NRXN1: variants seen among roughly 807,000 people sequenced by gnomAD.
NRXN1 encodes neurexin 1.
In NRXN1, 39 loss-of-function variants were observed where a neutral mutation model predicts 150.9. The ratio of observed to expected loss-of-function variants is 0.26; its 90% confidence interval spans 0.20 to 0.34. NRXN1 has a LOEUF of 0.34. Among genes scored for constraint, NRXN1 ranks in the 10% least tolerant of loss-of-function variants. NRXN1 has a pLI of 1.00. For synonymous variants in NRXN1, 924 were observed against 757.0 expected (o/e 1.22, Z -3.62); for missense variants, 1,815 against 1,949.9 (o/e 0.93, Z 1.30).
chr2:50,405,825 A>G (rs2103993917), intron 17 of NRXN1, among the ~76,000 whole-genome samples: 1 of 152,298 alleles, frequency 6.6e-6, no homozygotes, highest in South Asian at 2.1e-4. Context: ...TAATAATTAC[A>G]GGAAAAATAA....
chr2:50,831,554 C>T (rs1405894827), intron 5 of NRXN1, among the ~76,000 whole-genome samples: 15 of 152,176 alleles, frequency 9.9e-5, no homozygotes. Flanking sequence ...ACAGATTACA[C>T]AAATGTGTTC....
At chr2:50,123,657 C>T (rs779527009) in intron 18 of NRXN1, among the ~76,000 whole-genome samples, 1 of 152,144 alleles carries the variant, frequency 6.6e-6, no homozygotes, top group Non-Finnish European at 1.5e-5. Flanking sequence ...TATTGAAATA[C>T]TATGAAGTGA....
At chr2:50,216,661 C>T (rs965657466) in intron 18 of NRXN1, among the ~76,000 whole-genome samples, 1 of 151,808 alleles carries the variant, frequency 6.6e-6, no homozygotes, top group Non-Finnish European at 1.5e-5. Context: ...AATCAGAGTG[C>T]TTTATTGAGC....
chr2:50,092,333 T>C (rs764822555), intron 18 of NRXN1, among the ~76,000 whole-genome samples: 6 of 152,228 alleles, frequency 3.9e-5, no homozygotes, highest in Admixed American at 2.0e-4. Context: ...CCTCTGCCTC[T>C]GAGAAGCATT....
intron 17 of NRXN1, among the ~76,000 whole-genome samples, chr2:50,298,842 A>T (rs943460446): frequency 6.6e-6 from 1 of 152,146 alleles, no homozygotes; most frequent in Non-Finnish European, 1.5e-5. Context: ...GATTTTTATG[A>T]TTAATAGGTG....
intron 5 of NRXN1, among the ~76,000 whole-genome samples, chr2:50,737,368 C>T (rs577072086): frequency 5.3e-5 from 8 of 152,232 alleles, no homozygotes; most frequent in African/African-American, 1.9e-4. Flanking sequence ...ATATAGAACT[C>T]TTATGGTACT....
chr2:50,427,857 T>G (rs945700786), intron 17 of NRXN1, among the ~76,000 whole-genome samples: 1 of 152,216 alleles, frequency 6.6e-6, no homozygotes, highest in African/African-American at 2.4e-5. Flanking sequence ...TTCTGCCATG[T>G]CCTGAGAAAA....
chr2:49,922,385 G>A, intron 22 of NRXN1, 134 bp from the exon 23 acceptor site: 3 of 927,122 alleles, frequency 3.2e-6, no homozygotes, highest in Non-Finnish European at 5.0e-6. Flanking sequence ...GATAAATGTA[G>A]CCATCCCTTT....
At position 51,028,084 on chromosome 2, in the gene NRXN1, G is replaced by C. The variant is rs201566733; in HGVS notation, c.190C>G (p.Arg64Gly). Residue 64 changes from arginine (R) to glycine (G), a missense_variant, in exon 2 of 23, where the codon CGC (arginine) becomes GGC (glycine). Physicochemically the swap from Arg to Gly is moderately radical, Grantham distance 125. This residue lies in a region of NRXN1 where 554 missense variants were observed against 478.8 expected (regional missense o/e 1.16). Coordinates refer to ENST00000401669, the MANE Select transcript of NRXN1 (RefSeq NM_001330078.2). ...MSFQLKTRSARGLVLYFDDEG... is the reference protein window; with the variant it reads ...MSFQLKTRSAGGLVLYFDDEG... ...TCGTCGAAGTAGAGCACGAGGCCGCGGGCGCTGCGAGTCTTGAGCTGGAAG... is the reference window on the plus strand; with the variant it reads ...TCGTCGAAGTAGAGCACGAGGCCGCCGGCGCTGCGAGTCTTGAGCTGGAAG... The C allele has an allele frequency of 1.3e-6, 2 of 1,587,122 alleles. No homozygotes were observed. Among genetic ancestry groups the C allele is most frequent in the Middle Eastern group, 1.7e-4 (1 of 6,036 alleles).
intron 17 of NRXN1, among the ~76,000 whole-genome samples, chr2:50,261,041 T>A (rs567296678): frequency 6.6e-6 from 1 of 151,736 alleles, no homozygotes; most frequent in African/African-American, 2.4e-5. Context: ...TGGGTTTTAC[T>A]AAGTCTTTCC....
rs1034355619 is a variant in NRXN1 at position 50,634,560 on chromosome 2, A to G, written c.833-10945T>C. 1.3e-5 allele frequency among the ~76,000 whole-genome samples: 2 copies of G among 152,212 alleles called. 1 individual carries two copies. Among genetic ancestry groups the G allele is most frequent in the African/African-American group, 4.8e-5 (2 of 41,458 alleles). ...GTATATATGTTATATTTCTTCATCTACTGCTTTTAACCATTAAGTTACTTC... is the reference window on the plus strand; with the variant it reads ...GTATATATGTTATATTTCTTCATCTGCTGCTTTTAACCATTAAGTTACTTC... On this transcript the variant is annotated intron_variant, in intron 5 of 22. Transcript: ENST00000401669.
intron 5 of NRXN1, among the ~76,000 whole-genome samples, chr2:50,729,123 CA>C (rs1195753077): frequency 1.3e-5 from 2 of 152,106 alleles, no homozygotes; most frequent in African/African-American, 4.8e-5. Flanking sequence ...GTTTTCCCCT[CA>C]ATTTTAAGTT....
intron 21 of NRXN1, among the ~76,000 whole-genome samples, chr2:49,966,937 T>C (rs999883966): frequency 6.6e-6 from 1 of 152,172 alleles, no homozygotes; most frequent in African/African-American, 2.4e-5. Context: ...AAAGAACTGC[T>C]TTCCTGTTAA....
At chr2:50,703,210 CA>C (rs542048080) in intron 5 of NRXN1, among the ~76,000 whole-genome samples, 236 of 152,012 alleles carry the variant, frequency 1.6e-3, no homozygotes, top group African/African-American at 5.4e-3. Flanking sequence ...GAGGGCAAAC[CA>C]CCAGAAAAAG....
chr2:50,998,592 T>G (rs1699626485), intron 2 of NRXN1, among the ~76,000 whole-genome samples: 1 of 152,098 alleles, frequency 6.6e-6, no homozygotes, highest in Non-Finnish European at 1.5e-5. Flanking sequence ...AAGCATATGA[T>G]TTCATGAAGG....
chr2:50,956,559 C>T (rs1251268223), intron 2 of NRXN1, among the ~76,000 whole-genome samples: 1 of 151,742 alleles, frequency 6.6e-6, no homozygotes, highest in Admixed American at 6.6e-5. Context: ...ACCAGCCTGG[C>T]CAATGTGGCA....
intron 5 of NRXN1, among the ~76,000 whole-genome samples, chr2:50,818,637 G>A (rs1026479442): frequency 1.3e-5 from 2 of 151,654 alleles, no homozygotes; most frequent in Admixed American, 6.6e-5. Flanking sequence ...TCCTGAATAC[G>A]ACACCAAAAG....
chr2:50,760,958 C>T (rs1214930298), intron 5 of NRXN1, among the ~76,000 whole-genome samples: 4 of 152,042 alleles, frequency 2.6e-5, no homozygotes, highest in African/African-American at 9.6e-5. Context: ...TTCTCACCTA[C>T]AGTCTTGTTC....
intron 18 of NRXN1, among the ~76,000 whole-genome samples, chr2:50,130,369 C>T (rs12622858): frequency 0.26 from 39,372 of 151,924 alleles, 5,562 homozygotes; most frequent in Admixed American, 0.4. Flanking sequence ...CTTAGGCATC[C>T]TCTTCTCAGA....
Sources: gnomAD v4.1 joint callset for allele counts (sites outside exome capture counted in the v4.1 genomes callset) on GRCh38, gnomAD v4.1.1 for gene constraint, gnomAD v4.1.1 regional missense constraint, MANE v1.5 for transcripts, NCBI Gene and HGNC (gene_info 2026-07-23, HGNC 2026-07-21) for gene names.